LRSAM1: variants seen among roughly 807,000 people sequenced by gnomAD.
The protein encoded by LRSAM1 is E3 ubiquitin-protein ligase LRSAM1.
Under a neutral mutation model 118.1 loss-of-function variants are expected in LRSAM1, and 96 were observed. The ratio of observed to expected loss-of-function variants is 0.81; its 90% CI spans 0.69 to 0.96. LRSAM1 has a LOEUF of 0.96. Among genes scored for constraint, LRSAM1 ranks in the 40% least tolerant of loss-of-function variants. The probability of loss-of-function intolerance (pLI) is 0.00; values close to 1 mark genes in which losing one functional copy is unlikely to be tolerated. For missense variants in LRSAM1, 804 were observed against 915.5 expected, an observed-to-expected ratio of 0.88 and a Z score of 1.57; for synonymous variants, 322 against 364.2, an observed-to-expected ratio of 0.88 and a Z score of 1.32.
chr9:127,491,491 T>G (rs1835932006), intron 20 of LRSAM1, among the ~76,000 whole-genome samples, 196 bp downstream of exon 20: 1 of 152,088 alleles, frequency 6.6e-6, no homozygotes, highest in Non-Finnish European at 1.5e-5. Flanking sequence ...AGGCCAAGGT[T>G]AGAGGTGGTC....
intron 10 of LRSAM1, among the ~76,000 whole-genome samples, chr9:127,469,304 T>C (rs1030235627): frequency 1.3e-5 from 2 of 151,896 alleles, no homozygotes; most frequent in African/African-American, 4.8e-5. Flanking sequence ...ACTCCATCTC[T>C]ACTAAAAATA....
At chr9:127,454,653 T>C in intron 3 of LRSAM1, 54 bp downstream of exon 3, 1 of 1,550,236 alleles carries the variant, frequency 6.5e-7, no homozygotes, top group Non-Finnish European at 8.9e-7. Flanking sequence ...TCGGTCCCCA[T>C]GGAGTAGGCC....
At chr9:127,474,950 G>A (rs563768733) in intron 11 of LRSAM1, among the ~76,000 whole-genome samples, 4 of 152,088 alleles carry the variant, frequency 2.6e-5, no homozygotes, top group Admixed American at 6.6e-5. Context: ...ACCAGCTGCC[G>A]GGCATTTGGC....
chr9:127,493,226 A>AG (rs1588134633), intron 21 of LRSAM1, among the ~76,000 whole-genome samples: 1 of 151,794 alleles, frequency 6.6e-6, no homozygotes, highest in Non-Finnish European at 1.5e-5. Flanking sequence ...CATGCCTGGC[A>AG]AATTTTTTTA....
chr9:127,460,723 G>A (rs113655900), intron 7 of LRSAM1, among the ~76,000 whole-genome samples: 23 of 152,256 alleles, frequency 1.5e-4, no homozygotes, highest in African/African-American at 4.3e-4. Context: ...CTCAAGGGCC[G>A]GTAGGGGGAG....
At position 127,475,653 on chromosome 9, in the gene LRSAM1, G is replaced by A. The variant is rs144810034; in HGVS notation, c.750+1722G>A. ...TGTTGGCCAGAGTATGGGAAAACAG[G>A]TGTCCTCATAAACTGCTCTTGGGAG... is the stretch of plus-strand genomic sequence containing the variant. On this transcript the variant is annotated intron_variant, in intron 11 of 25. Coordinates refer to ENST00000300417, the MANE Select transcript of LRSAM1 (RefSeq NM_001005373.4). Among the ~76,000 whole-genome samples, 370 of 152,300 alleles carry A rather than the reference G, an allele frequency of 2.4e-3. 4 individuals carry two copies. Among genetic ancestry groups the A allele is most frequent in the African/African-American group, 8.5e-3 (355 of 41,558 alleles).
At position 127,503,135 on chromosome 9, in the gene LRSAM1, C is replaced by T. The variant is rs578151441; in HGVS notation, c.*236C>T. ...GTCCTGGGGGCTGGGGCTGGAGAGGCCGCTGCACCACCACCCGAGCCTGGG... is the reference window on the plus strand; with the variant it reads ...GTCCTGGGGGCTGGGGCTGGAGAGGTCGCTGCACCACCACCCGAGCCTGGG... On this transcript the variant is annotated 3_prime_UTR_variant, in exon 26 of 26. Transcript: ENST00000300417. 2.8e-5 allele frequency: 16 copies of T among 575,434 alleles called. No homozygotes were observed. Among genetic ancestry groups the T allele is most frequent in the African/African-American group, 2.3e-4 (12 of 53,218 alleles). The allele number at this position is 575,434 out of a possible 1,614,324, so 35.6% of individuals were successfully genotyped here.
intron 2 of LRSAM1, among the ~76,000 whole-genome samples, chr9:127,452,796 C>T (rs1009731320): frequency 1.3e-5 from 2 of 152,236 alleles, no homozygotes; most frequent in African/African-American, 4.8e-5. Context: ...ATCCCAAAGC[C>T]TGTGCTGCTC....
intron 19 of LRSAM1, among the ~76,000 whole-genome samples, chr9:127,490,934 C>T (rs569444256): frequency 3.4e-4 from 52 of 152,184 alleles, no homozygotes; most frequent in Non-Finnish European, 4.4e-4. Flanking sequence ...AAGCCTTTAT[C>T]CTGATCCCAC....
chr9:127,469,954 G>A (rs996576965), intron 10 of LRSAM1, among the ~76,000 whole-genome samples: 2 of 152,082 alleles, frequency 1.3e-5, no homozygotes, highest in South Asian at 2.1e-4. Flanking sequence ...TACAGAGCAA[G>A]ACTCCATCTC....
chr9:127,496,335 C>A (rs1170227646), intron 23 of LRSAM1, among the ~76,000 whole-genome samples: 2 of 152,250 alleles, frequency 1.3e-5, no homozygotes, highest in African/African-American at 2.4e-5. Context: ...CCTGATCAGA[C>A]TGGATCTTCA....
At chr9:127,455,711 T>C (rs1219210605) in intron 5 of LRSAM1, 91 bp downstream of exon 5, 1 of 1,188,068 alleles carries the variant, frequency 8.4e-7, no homozygotes, top group Non-Finnish European at 1.3e-6. Context: ...CTTCCCGGCG[T>C]AGACACCTCC....
intron 19 of LRSAM1, among the ~76,000 whole-genome samples, chr9:127,490,946 C>G (rs1247743622): frequency 1.3e-5 from 2 of 152,170 alleles, no homozygotes; most frequent in East Asian, 3.9e-4. Flanking sequence ...TGATCCCACT[C>G]TAGGAGAGAT....
chr9:127,486,050 C>A (rs1276432015), intron 17 of LRSAM1, among the ~76,000 whole-genome samples: 1 of 152,236 alleles, frequency 6.6e-6, no homozygotes, highest in African/African-American at 2.4e-5. Context: ...CAGTCATTCC[C>A]ATTTCTTGTG....
intron 8 of LRSAM1, among the ~76,000 whole-genome samples, chr9:127,461,790 C>G (rs1564254910): frequency 6.6e-6 from 1 of 152,278 alleles, no homozygotes; most frequent in East Asian, 1.9e-4. Context: ...CAGGAGCGCT[C>G]TGCTCGCCAC....
chr9:127,490,955 ATCCTGTGCTGGCC>A (rs1486385787), intron 19 of LRSAM1, among the ~76,000 whole-genome samples: 1 of 152,088 alleles, frequency 6.6e-6, no homozygotes, highest in Non-Finnish European at 1.5e-5. Context: ...TCTAGGAGAG[ATCCTGTGCTGGCC>A]TCTTGGTAAA....
intron 21 of LRSAM1, 76 bp downstream of exon 21, chr9:127,492,973 A>C: frequency 1.7e-6 from 2 of 1,187,612 alleles, no homozygotes; most frequent in Non-Finnish European, 2.5e-6. Flanking sequence ...TTTTAGAAAC[A>C]CCTGTTATTC....
chr9:127,488,802 G>A (rs1387750712), intron 18 of LRSAM1, among the ~76,000 whole-genome samples: 1 of 151,258 alleles, frequency 6.6e-6, no homozygotes, highest in Non-Finnish European at 1.5e-5. Context: ...TGTTGCCCAG[G>A]CTGGTCTCAA....
intron 10 of LRSAM1, among the ~76,000 whole-genome samples, chr9:127,470,497 A>G (rs1835127457): frequency 6.6e-6 from 1 of 152,102 alleles, no homozygotes; most frequent in African/African-American, 2.4e-5. Context: ...AGGTGGGGAC[A>G]CAGAGCCAGA....
Sources: gnomAD v4.1 joint callset for allele counts (sites outside exome capture counted in the v4.1 genomes callset) on GRCh38, gnomAD v4.1.1 for gene constraint, MANE v1.5 for transcripts, NCBI Gene and HGNC (gene_info 2026-07-23, HGNC 2026-07-21) for gene names.